Variants in FLT1 observed in about 807,000 individuals in gnomAD.
FLT1 encodes the protein vascular endothelial growth factor receptor 1.
FLT1 carries 49 observed loss-of-function variants against 156.3 expected under a neutral mutation model. The ratio of observed to expected loss-of-function variants is 0.31; its 90% CI spans 0.25 to 0.40. FLT1 has a LOEUF of 0.40. FLT1 is among the 10% of genes least tolerant of loss of function. The pLI is 1.00. For missense variants in FLT1, 1,322 were observed against 1,637.2 expected, an observed-to-expected ratio of 0.81 and a Z score of 3.32; for synonymous variants, 594 against 583.8, an observed-to-expected ratio of 1.02 and a Z score of -0.25.
intron 1 of FLT1, among the ~76,000 whole-genome samples, chr13:28,475,256 C>G (rs1387597908): frequency 6.6e-6 from 1 of 152,112 alleles, no homozygotes; most frequent in East Asian, 1.9e-4. Flanking sequence ...CTGAATAAAT[C>G]TGGTGTTTCC....
At chr13:28,417,157 G>A (rs1015773024) in intron 10 of FLT1, among the ~76,000 whole-genome samples, 3 of 152,178 alleles carry the variant, frequency 2.0e-5, no homozygotes, top group Admixed American at 2.0e-4. Context: ...GGTAGTGACT[G>A]CCTGCCTCAA....
rs1459175312 is a variant in FLT1, at chr13:28,389,802, T to C, written c.1963A>G (p.Ile655Val). 1.9e-6 allele frequency: 3 copies of C among 1,614,206 alleles called. No individual in the cohort carries two copies. The Admixed American group carries it at 5.0e-5, about 27-fold the overall frequency. ...TTTTTGTTGCAGTGCTCACCTCTGA[T>C]TGTAATTTCTTTCTTCTGGAGGATT... ...EEILQKKEITIRDQEAPYLLR... is the reference protein window; with the variant it reads ...EEILQKKEITVRDQEAPYLLR... The change falls in exon 13 of 30, where the codon ATC becomes GTC. Residue 655 changes from isoleucine to valine, a missense_variant. By Grantham distance (29) the Ile-to-Val change is conservative. This residue lies in a region of FLT1 where 991 missense variants were observed against 1,254.8 expected (regional missense o/e 0.79). Coordinates refer to ENST00000282397, the MANE Select transcript of FLT1 (RefSeq NM_002019.4).
rs1566012977 is a variant in FLT1, at chr13:28,412,356, CTTTCTTTCTTTCTT to C, written c.1437-6476_1437-6463del. 1.5e-4 allele frequency among the ~76,000 whole-genome samples: 16 copies of C among 106,468 alleles called. 3 individuals carry two copies. Among genetic ancestry groups the C allele is most frequent in the African/African-American group, 5.1e-4 (15 of 29,216 alleles). 69.8% of individuals were successfully genotyped at this position (106,468 alleles called of 152,430 possible). A position where few individuals can be genotyped will look rare whatever the true frequency, so the allele number is the denominator to read the frequency against. On this transcript the variant is annotated intron_variant, in intron 10 of 29. Coordinates refer to ENST00000282397, the MANE Select transcript of FLT1 (RefSeq NM_002019.4). ...TTTCTTTCTTTCTTTCTTTCTCTTTCTTTCTTTCTTTCTTTCTTTCTTTCTTTCTTTCTTTCTTT... is the reference window on the plus strand; with the variant it reads ...TTTCTTTCTTTCTTTCTTTCTCTTTCTCTTTCTTTCTTTCTTTCTTTCTTT...
In FLT1 at chr13:28,329,251, G is replaced by A. The variant is rs540524630; in HGVS notation, c.2707+364C>T. On this transcript the variant is annotated intron_variant, in intron 19 of 29. Transcript: ENST00000282397. The stretch of plus-strand genomic sequence containing the variant: ...ACCTCCTCCTGGGACCCTACCAGTA[G>A]TGATTCATTCATTCCTTTAGGTGAA... Among the ~76,000 whole-genome samples, 3 of 152,348 alleles carry A rather than the reference G, an allele frequency of 2.0e-5. No individual in the cohort carries two copies. In the East Asian group the frequency reaches 5.8e-4, roughly 29 times the overall value.
intron 1 of FLT1, among the ~76,000 whole-genome samples, chr13:28,472,911 ACAACAGC>A (rs1162032186): frequency 5.3e-5 from 8 of 152,208 alleles, no homozygotes; most frequent in Non-Finnish European, 1.0e-4. Flanking sequence ...TAGTAAAAAG[ACAACAGC>A]CTAATTTTAA....
intron 3 of FLT1, among the ~76,000 whole-genome samples, chr13:28,442,577 C>T (rs547263193): frequency 5.3e-5 from 8 of 152,154 alleles, no homozygotes; most frequent in African/African-American, 9.6e-5. Context: ...AAATTCTATC[C>T]GAAGATATCA....
At chr13:28,310,887 TA>T (rs1418103064) in intron 27 of FLT1, among the ~76,000 whole-genome samples, 1 of 152,172 alleles carries the variant, frequency 6.6e-6, no homozygotes, top group East Asian at 1.9e-4. Context: ...ATCCTGCTTT[TA>T]AAAAAAACAT....
Position 28,322,377 on chromosome 13 carries a change from C to A in FLT1, c.2954-18G>T. On this transcript the variant is annotated intron_variant, in intron 21 of 29. Transcript: ENST00000282397. The surrounding 1 kb of genome is among the most constrained non-coding windows in gnomAD (Gnocchi z 4.3). Reference sequence around the variant, plus strand: ...GTCAGAATCTGGAAAGCATTAGAACCGTAACTGTTTGTAATGGCTCTTGTT... The same window carrying A: ...GTCAGAATCTGGAAAGCATTAGAACAGTAACTGTTTGTAATGGCTCTTGTT... 1 of 1,512,726 alleles carries A rather than the reference C, an allele frequency of 6.6e-7. No individual in the cohort carries two copies. Among genetic ancestry groups the A allele is most frequent in the Non-Finnish European group, 9.2e-7 (1 of 1,087,614 alleles). 93.7% of individuals were successfully genotyped at this position (1,512,726 alleles called of 1,614,324 possible). A position where few individuals can be genotyped will look rare whatever the true frequency, so the allele number is the denominator to read the frequency against.
intron 3 of FLT1, 94 bp downstream of exon 3, chr13:28,466,809 T>G (rs1879874993): frequency 1.2e-6 from 1 of 856,736 alleles, no homozygotes; most frequent in African/African-American, 1.7e-5. Flanking sequence ...TCTTTCATAC[T>G]CACTAGGAAA....
intron 3 of FLT1, among the ~76,000 whole-genome samples, chr13:28,447,031 T>A (rs1878652741): frequency 6.6e-6 from 1 of 151,962 alleles, no homozygotes; most frequent in South Asian, 2.1e-4. Flanking sequence ...GGGGAAAGAA[T>A]AATCTTTTCA....
At chr13:28,334,412 G>A (rs957778133) in intron 17 of FLT1, among the ~76,000 whole-genome samples, 2 of 152,162 alleles carry the variant, frequency 1.3e-5, no homozygotes, top group African/African-American at 2.4e-5. Flanking sequence ...TTCTCCCGTA[G>A]GAGAGATGGG....
intron 15 of FLT1, among the ~76,000 whole-genome samples, chr13:28,350,936 C>T (rs1197501147): frequency 6.6e-6 from 1 of 150,780 alleles, no homozygotes; most frequent in Admixed American, 6.6e-5. Context: ...TCCTTCTTTC[C>T]TTTCTCTCTC....
At chr13:28,385,436 G>T in intron 13 of FLT1, 1 of 761,896 alleles carries the variant, frequency 1.3e-6, no homozygotes, top group Non-Finnish European at 1.6e-6. Context: ...GTGCTGTAGT[G>T]ATAGGCTAAT....
intron 10 of FLT1, among the ~76,000 whole-genome samples, chr13:28,414,254 T>G (rs1231130603): frequency 6.6e-6 from 1 of 152,244 alleles, no homozygotes; most frequent in East Asian, 1.9e-4. Flanking sequence ...CTTCTCGCTC[T>G]TGACAACTGG....
intron 29 of FLT1, 131 bp from the exon 30 acceptor site, chr13:28,303,499 C>CCCG (rs1555297834): frequency 7.6e-6 from 6 of 790,110 alleles, no homozygotes; most frequent in Non-Finnish European, 1.3e-5. Context: ...GGAACCCCCC[C>CCCG]CCCCTCAATT....
chr13:28,419,213 T>C (rs1228784147), intron 10 of FLT1, among the ~76,000 whole-genome samples: 1 of 152,206 alleles, frequency 6.6e-6, no homozygotes. Flanking sequence ...CTTTCCATCT[T>C]ATCAATCCAA....
At chr13:28,416,617 C>T (rs1876661834) in intron 10 of FLT1, among the ~76,000 whole-genome samples, 1 of 152,132 alleles carries the variant, frequency 6.6e-6, no homozygotes, top group Non-Finnish European at 1.5e-5. Flanking sequence ...TGAGATGATG[C>T]ATATAAAGCA....
chr13:28,415,577 A>G (rs1286219345), intron 10 of FLT1, among the ~76,000 whole-genome samples: 2 of 152,238 alleles, frequency 1.3e-5, no homozygotes, highest in African/African-American at 2.4e-5. Flanking sequence ...CACCCCTTGC[A>G]AGAATTAGAT....
intron 8 of FLT1, 75 bp downstream of exon 8, chr13:28,429,975 C>T (rs1877576649): frequency 3.1e-6 from 3 of 970,478 alleles, no homozygotes; most frequent in African/African-American, 1.6e-5. Context: ...GTCAGGAATT[C>T]GAGTCATTAG....
Sources: allele counts gnomAD v4.1 joint callset (sites outside exome capture counted in the v4.1 genomes callset), GRCh38; gene constraint gnomAD v4.1.1; regional missense constraint gnomAD v4.1.1; non-coding constraint Gnocchi (gnomAD v3.1); transcripts MANE v1.5; gene names NCBI Gene and HGNC (gene_info 2026-07-23, HGNC 2026-07-21).